Variants in QTRT2 observed in about 807,000 individuals in gnomAD.
QTRT2 encodes the protein queuine tRNA-ribosyltransferase domain containing 1.
A neutral mutation model predicts 44.8 loss-of-function variants in QTRT2; 32 were observed. The ratio of observed to expected loss-of-function variants is 0.71; its 90% CI spans 0.54 to 0.96. The LOEUF is 0.96. Among genes scored for constraint, QTRT2 ranks in the 40% least tolerant of loss-of-function variants. The pLI, the probability that QTRT2 is intolerant of heterozygous loss-of-function variation, is 0.00. For synonymous variants in QTRT2, 182 were observed against 187.4 expected (o/e 0.97, Z 0.24); for missense variants, 461 against 503.1 (o/e 0.92, Z 0.80).
chr3:114,066,393 T>G (rs1341718304), intron 4 of QTRT2, 110 bp downstream of exon 4: 2 of 671,402 alleles, frequency 3.0e-6, no homozygotes, highest in Non-Finnish European at 2.6e-6. Flanking sequence ...ATAAATTTAA[T>G]AAGTATTATT....
At chr3:114,082,867 A>G in intron 9 of QTRT2, 73 bp downstream of exon 9, 1 of 702,272 alleles carries the variant, frequency 1.4e-6, no homozygotes, top group Non-Finnish European at 2.5e-6. Context: ...AGTTTATGGG[A>G]CAATTCTCAA....
At position 114,085,935 on chromosome 3, in the gene QTRT2, A is replaced by T. The variant is rs759418265; in HGVS notation, c.*31A>T. Reference sequence around the variant, plus strand: ...TGCAAATACAAGTCTCACTCTTCACACTGAGCCTGTACCACTGTTGTAACA... The same window carrying T: ...TGCAAATACAAGTCTCACTCTTCACTCTGAGCCTGTACCACTGTTGTAACA... On this transcript the variant is annotated 3_prime_UTR_variant, in exon 10 of 10. Transcript: ENST00000281273. 2.7e-6 allele frequency: 4 copies of T among 1,490,082 alleles called. No individual in the cohort carries two copies. The highest frequency in any genetic ancestry group is 3.7e-6 in the Non-Finnish European group (4 of 1,067,554). 92.3% of individuals were successfully genotyped at this position (1,490,082 alleles called of 1,614,324 possible).
At chr3:114,070,957 T>C in intron 6 of QTRT2, 119 bp downstream of exon 6, 1 of 713,984 alleles carries the variant, frequency 1.4e-6, no homozygotes, top group Admixed American at 2.8e-5. Flanking sequence ...TTGTCTATTT[T>C]ACTCTCTATT....
At chr3:114,068,235 T>C in intron 5 of QTRT2, 172 bp downstream of exon 5, 3 of 570,618 alleles carry the variant, frequency 5.3e-6, no homozygotes, top group Non-Finnish European at 6.4e-6. Flanking sequence ...TAGGGCTGCC[T>C]AAGGATGAGG....
intron 2 of QTRT2, among the ~76,000 whole-genome samples, chr3:114,062,181 C>T (rs763830541): frequency 4.6e-5 from 7 of 151,706 alleles, no homozygotes; most frequent in African/African-American, 1.7e-4. Context: ...GCCTGGGCAA[C>T]GTAGTGAGAC....
chr3:114,056,752 G>A lies in QTRT2; in HGVS notation c.-242G>A, dbSNP rs1158455271. ...GTGATGACGCAGTACTCCCTGATTG[G>A]CTCTGCACTGGAGGCAGTGATTTTG... On this transcript the variant is annotated 5_prime_UTR_variant, in exon 1 of 10. Transcript: ENST00000281273. The A allele has an allele frequency of 2.1e-6, 3 of 1,431,586 alleles. No individual in the cohort carries two copies. The highest frequency in any genetic ancestry group is 1.9e-6 in the Non-Finnish European group (2 of 1,064,542). The allele number at this position is 1,431,586 out of a possible 1,614,324, so 88.7% of individuals were successfully genotyped here.
intron 2 of QTRT2, among the ~76,000 whole-genome samples, chr3:114,058,840 C>T (rs1320378756): frequency 6.6e-6 from 1 of 152,288 alleles, no homozygotes; most frequent in African/African-American, 2.4e-5. Flanking sequence ...CAGCGTTCTT[C>T]ATTTCTGTGT....
intron 4 of QTRT2, 167 bp downstream of exon 4, chr3:114,066,450 A>G: frequency 3.5e-6 from 2 of 567,976 alleles, no homozygotes; most frequent in Non-Finnish European, 6.4e-6. Context: ...TGAATAGGAA[A>G]CAGTTGCTGC....
In QTRT2 at chr3:114,079,945, G is replaced by A; in HGVS notation, c.786G>A (p.Glu262=). The change falls in exon 8 of 10, where the codon GAG becomes GAA. Residue 262 remains glutamate, a synonymous_variant. Transcript: ENST00000281273. ...SGVSRPDEVL[E]CIERGVDLFE... ...TTAGTCGGCCAGATGAGGTGCTCGA[G>A]TGTATTGAAAGAGGAGTGGACTTAT... 6.2e-7 allele frequency: 1 copy of A among 1,613,918 alleles called. No individual in the cohort carries two copies. The highest frequency in any genetic ancestry group is 8.5e-7 in the Non-Finnish European group (1 of 1,179,876).
intron 2 of QTRT2, among the ~76,000 whole-genome samples, chr3:114,062,212 T>C (rs544759224): frequency 6.6e-6 from 1 of 151,128 alleles, no homozygotes; most frequent in African/African-American, 2.4e-5. Context: ...CAAAAAAAGT[T>C]TTTTAATTAG....
intron 6 of QTRT2, among the ~76,000 whole-genome samples, chr3:114,073,759 G>C (rs1222823702): frequency 6.6e-6 from 1 of 151,668 alleles, no homozygotes; most frequent in African/African-American, 2.4e-5. Context: ...TATTAATAGT[G>C]CCCCCCCATT....
At chr3:114,085,291 T>C (rs2077220446) in intron 9 of QTRT2, among the ~76,000 whole-genome samples, 2 of 152,126 alleles carry the variant, frequency 1.3e-5, no homozygotes, top group African/African-American at 4.8e-5. Context: ...CACCACAACC[T>C]CTGCCCCCTG....
chr3:114,070,999 G>A (rs2107794721), intron 6 of QTRT2, among the ~76,000 whole-genome samples, 161 bp downstream of exon 6: 1 of 151,964 alleles, frequency 6.6e-6, no homozygotes, highest in South Asian at 2.1e-4. Flanking sequence ...AAGTATTATT[G>A]TTCTCTAGGT....
At chr3:114,059,529 A>G (rs938818524) in intron 2 of QTRT2, among the ~76,000 whole-genome samples, 1 of 152,218 alleles carries the variant, frequency 6.6e-6, no homozygotes, top group Non-Finnish European at 1.5e-5. Context: ...AAAGAAGTGT[A>G]ATTATAAAAA....
intron 9 of QTRT2, chr3:114,083,151 A>C (rs1159504927): frequency 7.7e-6 from 2 of 260,322 alleles, no homozygotes; most frequent in African/African-American, 4.6e-5. Flanking sequence ...TGTTAGATAC[A>C]GGCTGTAAAT....
At chr3:114,079,037 A>G (rs980956212) in intron 7 of QTRT2, 1 of 140,614 alleles carries the variant, frequency 7.1e-6, no homozygotes, top group Non-Finnish European at 1.6e-5. Context: ...TGCACCAATT[A>G]TGAAAAATTA....
chr3:114,060,513 TA>T (rs1301665493), intron 2 of QTRT2, among the ~76,000 whole-genome samples: 1 of 87,944 alleles, frequency 1.1e-5, no homozygotes, highest in African/African-American at 3.3e-5. Context: ...GATAGATAGA[TA>T]GATAGATAGA....
chr3:114,056,938 T>A (rs1342353947), intron 1 of QTRT2, 61 bp from the exon 2 acceptor site: 3 of 1,512,824 alleles, frequency 2.0e-6, no homozygotes, highest in Non-Finnish European at 2.6e-6. Flanking sequence ...AGACGCTTCC[T>A]GGTTGTGTTG....
At chr3:114,083,302 CTGT>C (rs201812206) in intron 9 of QTRT2, among the ~76,000 whole-genome samples, 3,943 of 112,800 alleles carry the variant, frequency 0.035, 158 homozygotes, top group East Asian at 0.1. Flanking sequence ...GTTGTTGTTG[CTGT>C]TGCTGCTGCT....
Sources: allele counts gnomAD v4.1 joint callset (sites outside exome capture counted in the v4.1 genomes callset), GRCh38; gene constraint gnomAD v4.1.1; transcripts MANE v1.5; gene names NCBI Gene and HGNC (gene_info 2026-07-23, HGNC 2026-07-21).